The following TNRC6C variants were observed in gnomAD, a reference collection of about 807,000 sequenced individuals.
TNRC6C encodes trinucleotide repeat containing adaptor 6C, also known as trinucleotide repeat-containing gene 6C protein.
TNRC6C carries 20 observed loss-of-function variants against 153.7 expected under a neutral mutation model. The observed-to-expected ratio is 0.13, with a 90% CI of 0.09 to 0.19. The LOEUF is 0.19. Among genes scored for constraint, TNRC6C ranks in the 10% least tolerant of loss-of-function variants. TNRC6C has a pLI of 1.00. For missense variants in TNRC6C, 1,987 were observed against 2,172.0 expected, an observed-to-expected ratio of 0.91 and a Z score of 1.69; for synonymous variants, 811 against 841.4, an observed-to-expected ratio of 0.96 and a Z score of 0.63.
exon 3 of TNRC6C, chr17:78,051,108 T>C (rs1236707615): frequency 1.3e-5 from 20 of 1,589,372 alleles, no homozygotes; most frequent in Non-Finnish European, 1.6e-5. Flanking sequence ...GGGGAGGAGC[T>C]GCTTCTGTGA....
chr17:78,029,168 A>G (rs2072007227), intron 1 of TNRC6C, among the ~76,000 whole-genome samples: 1 of 152,236 alleles, frequency 6.6e-6, no homozygotes, highest in Admixed American at 6.5e-5. Context: ...TAAATCTGGC[A>G]GAGTGTGGCA....
At chr17:78,091,319 T>A (rs769079469) in intron 13 of TNRC6C, 121 bp from the exon 16 acceptor site, 1 of 1,141,722 alleles carries the variant, frequency 8.8e-7, no homozygotes, top group South Asian at 2.2e-5. Context: ...AGAGCAAGAC[T>A]CCGTCTCAAA....
intron 5 of TNRC6C, among the ~76,000 whole-genome samples, chr17:78,069,831 C>T (rs1276034268): frequency 2.0e-5 from 3 of 151,720 alleles, no homozygotes; most frequent in Admixed American, 2.0e-4. Flanking sequence ...AGGAAGAAAA[C>T]GTGTGTGTGT....
At chr17:78,000,698 G>T (rs1364932998), upstream of TNRC6C, among the ~76,000 whole-genome samples, 2 of 132,340 alleles carry the variant, frequency 1.5e-5, no homozygotes, top group Non-Finnish European at 3.1e-5. Context: ...TAACTTCAGA[G>T]TATGGTCTCT....
chr17:78,077,158 C>A, intron 8 of TNRC6C, 27 bp from the exon 11 acceptor site: 1 of 1,591,886 alleles, frequency 6.3e-7, no homozygotes, highest in Non-Finnish European at 8.5e-7. Flanking sequence ...ACACTGCACA[C>A]AGCTCACCCT....
chr17:78,106,710 GATCA>G (rs1255304254), exon 20 of TNRC6C: 1 of 151,938 alleles, frequency 6.6e-6, no homozygotes, highest in Non-Finnish European at 1.5e-5. Context: ...TTTTAAAAAT[GATCA>G]ATGTTTTGAT....
chr17:78,040,833 T>G (rs946486365), intron 2 of TNRC6C, among the ~76,000 whole-genome samples: 1 of 152,084 alleles, frequency 6.6e-6, no homozygotes, highest in African/African-American at 2.4e-5. Context: ...CATCCGTCCA[T>G]GCCTCCGCCC....
exon 20 of TNRC6C, chr17:78,107,324 G>A (rs2073718285): frequency 6.6e-6 from 1 of 152,074 alleles, no homozygotes; most frequent in East Asian, 1.9e-4. Flanking sequence ...GTAACTCTGA[G>A]ATTAAACAAC....
chr17:77,980,436 G>A (rs530859659), intron 1 of TNRC6C, among the ~76,000 whole-genome samples: 10 of 152,244 alleles, frequency 6.6e-5, no homozygotes, highest in African/African-American at 1.9e-4. Context: ...TTCTCCCCAC[G>A]TGCCAAGCAA....
intron 1 of TNRC6C, among the ~76,000 whole-genome samples, chr17:78,028,038 G>A (rs548592627): frequency 6.6e-6 from 1 of 152,104 alleles, no homozygotes; most frequent in South Asian, 2.1e-4. Context: ...TGGGACTGCA[G>A]GCGCCCGCCA....
intron 3 of TNRC6C, among the ~76,000 whole-genome samples, chr17:78,053,937 C>T (rs886626154): frequency 2.0e-5 from 3 of 152,164 alleles, no homozygotes; most frequent in Non-Finnish European, 2.9e-5. Flanking sequence ...AATGGTGATA[C>T]ATTCTAAGAA....
At position 78,075,945 on chromosome 17, in the gene TNRC6C, G is replaced by A. The variant is rs887460906; in HGVS notation, c.3060+667G>A. On this transcript the variant is annotated intron_variant, in intron 8 of 19. Coordinates refer to ENST00000301624, the Ensembl canonical transcript of TNRC6C. The surrounding 1 kb of genome is among the most constrained non-coding windows in gnomAD (Gnocchi z 4.2). ...TCAACAATGGAAGGAGGCTGGGTGC[G>A]GTGGCTCACTCCTGTAATCCCAGCA... 2.6e-5 allele frequency among the ~76,000 whole-genome samples: 4 copies of A among 152,014 alleles called. No homozygotes were observed. The highest frequency in any genetic ancestry group is 6.5e-5 in the Admixed American group (1 of 15,268).
chr17:78,073,074 T>A, exon 7 of TNRC6C: 1 of 1,556,948 alleles, frequency 6.4e-7, no homozygotes. Context: ...AGTAACAATA[T>A]GAATCTTGAT....
chr17:78,063,601 C>T (rs2072813422), intron 3 of TNRC6C, among the ~76,000 whole-genome samples: 2 of 152,108 alleles, frequency 1.3e-5, no homozygotes, highest in South Asian at 4.1e-4. Flanking sequence ...GAAAAACCCT[C>T]CCAGAGTACC....
chr17:77,960,414 G>T (rs1422103292), intron 1 of TNRC6C, among the ~76,000 whole-genome samples: 2 of 152,192 alleles, frequency 1.3e-5, no homozygotes, highest in African/African-American at 2.4e-5. Context: ...GGTGATCGCT[G>T]TGAGAGCCTC....
At chr17:78,034,170 G>A (rs535165679) in intron 2 of TNRC6C, among the ~76,000 whole-genome samples, 49 of 152,244 alleles carry the variant, frequency 3.2e-4, no homozygotes, top group Non-Finnish European at 6.8e-4. Flanking sequence ...TCTCCTGCCT[G>A]CCTCAGCCTC....
At position 78,053,497 on chromosome 17, in the gene TNRC6C, C is replaced by T. The variant is rs528320905; in HGVS notation, c.2395+2040C>T. 6.6e-5 allele frequency among the ~76,000 whole-genome samples: 10 copies of T among 151,846 alleles called. No individual in the cohort carries two copies. The South Asian group carries it at 1.7e-3, about 25-fold the overall frequency. On this transcript the variant is annotated intron_variant, in intron 3 of 19. Coordinates refer to ENST00000301624, the Ensembl canonical transcript of TNRC6C. ...ATACAAAATTAGCCGGGCATGGTGG[C>T]GCATGTCTCTAATCCCAGCTACTCA...
chr17:78,024,769 A>G (rs2071903748), intron 1 of TNRC6C, among the ~76,000 whole-genome samples: 1 of 151,710 alleles, frequency 6.6e-6, no homozygotes, highest in Non-Finnish European at 1.5e-5. Context: ...TGTGTGGAAC[A>G]TTTGATACAA....
chr17:77,973,492 T>C (rs1034500274), intron 1 of TNRC6C, among the ~76,000 whole-genome samples: 3 of 152,204 alleles, frequency 2.0e-5, no homozygotes, highest in African/African-American at 2.4e-5. Flanking sequence ...CTAGCCTATG[T>C]AGTCAGGTAA....
Sources: allele counts gnomAD v4.1 joint callset (sites outside exome capture counted in the v4.1 genomes callset), GRCh38; gene constraint gnomAD v4.1.1; non-coding constraint Gnocchi (gnomAD v3.1); transcripts MANE v1.5; gene names NCBI Gene and HGNC (gene_info 2026-07-23, HGNC 2026-07-21).